The following PAN3 variants were observed in gnomAD, a reference collection of about 807,000 sequenced individuals.
PAN3 encodes poly(A) specific ribonuclease subunit PAN3.
Under a neutral mutation model 96.2 loss-of-function variants are expected in PAN3, and 19 were observed. The observed-to-expected ratio is 0.20, with a 90% CI of 0.14 to 0.29. PAN3 has a LOEUF of 0.29. Among genes scored for constraint, PAN3 ranks in the 10% least tolerant of loss-of-function variants. The pLI is 1.00. For missense variants in PAN3, 882 were observed against 1,108.1 expected, an observed-to-expected ratio of 0.80 and a Z score of 2.90; for synonymous variants, 433 against 406.6, an observed-to-expected ratio of 1.06 and a Z score of -0.78.
chr13:28,263,996 T>TTA (rs1163590032), intron 9 of PAN3, among the ~76,000 whole-genome samples: 1 of 152,192 alleles, frequency 6.6e-6, no homozygotes, highest in Admixed American at 6.5e-5. Flanking sequence ...TTTGTTTGCA[T>TTA]TATAGTTCAC....
At chr13:28,173,925 AG>A (rs1357797579) in intron 1 of PAN3, among the ~76,000 whole-genome samples, 4 of 152,188 alleles carry the variant, frequency 2.6e-5, no homozygotes, top group African/African-American at 7.2e-5. Flanking sequence ...TTTACCATCC[AG>A]TGATTCACAG....
intron 1 of PAN3, among the ~76,000 whole-genome samples, chr13:28,160,040 T>A (rs1225102129): frequency 6.6e-6 from 1 of 151,954 alleles, no homozygotes; most frequent in Non-Finnish European, 1.5e-5. Flanking sequence ...TGGGTTCACG[T>A]GATTCTCCTG....
At chr13:28,262,045 G>A (rs1281980009) in intron 9 of PAN3, among the ~76,000 whole-genome samples, 3 of 152,024 alleles carry the variant, frequency 2.0e-5, no homozygotes, top group Non-Finnish European at 2.9e-5. Context: ...TAATTATTAG[G>A]CCTATTTGTG....
intron 8 of PAN3, among the ~76,000 whole-genome samples, chr13:28,260,903 A>G (rs1885662024): frequency 1.3e-5 from 2 of 152,228 alleles, no homozygotes; most frequent in Non-Finnish European, 2.9e-5. Context: ...AGTTTGGCTC[A>G]GGAAATAACT....
intron 4 of PAN3, among the ~76,000 whole-genome samples, chr13:28,179,950 GTTACTAGAAA>G (rs1566163460): frequency 3.3e-5 from 5 of 151,986 alleles, no homozygotes; most frequent in Non-Finnish European, 7.4e-5. Context: ...ACAATAAAAT[GTTACTAGAAA>G]TGTTACTAGA....
At chr13:28,175,258 C>A (rs1328850746) in intron 2 of PAN3, among the ~76,000 whole-genome samples, 1 of 152,148 alleles carries the variant, frequency 6.6e-6, no homozygotes, top group African/African-American at 2.4e-5. Context: ...CCCTCTCTCT[C>A]TCTGGAGACA....
chr13:28,212,450 A>G (rs893493988), intron 5 of PAN3, among the ~76,000 whole-genome samples: 3 of 152,228 alleles, frequency 2.0e-5, no homozygotes, highest in African/African-American at 7.2e-5. Flanking sequence ...ATTATTTACC[A>G]TGTAATTAAA....
intron 6 of PAN3, among the ~76,000 whole-genome samples, chr13:28,249,675 C>G (rs1333313535): frequency 1.3e-5 from 2 of 152,164 alleles, no homozygotes; most frequent in East Asian, 1.9e-4. Context: ...GTCTCGAACT[C>G]CTGACCTCAA....
intron 17 of PAN3, among the ~76,000 whole-genome samples, chr13:28,283,728 C>CT (rs1327202179): frequency 1.3e-5 from 2 of 152,146 alleles, no homozygotes; most frequent in Non-Finnish European, 2.9e-5. Context: ...GATGGAGTTA[C>CT]CATTGTTATT....
At chr13:28,290,160 A>G (rs965951950) in intron 18 of PAN3, among the ~76,000 whole-genome samples, 7 of 152,206 alleles carry the variant, frequency 4.6e-5, no homozygotes, top group Non-Finnish European at 1.0e-4. Context: ...TAAAACATTT[A>G]CCGTCTGACC....
intron 1 of PAN3, among the ~76,000 whole-genome samples, chr13:28,157,666 C>T (rs1483413752): frequency 2.0e-5 from 3 of 152,102 alleles, no homozygotes; most frequent in African/African-American, 7.2e-5. Context: ...TGAAAGAGCT[C>T]TACAATGATA....
chr13:28,239,294 A>G (rs1883426887), intron 6 of PAN3, among the ~76,000 whole-genome samples: 1 of 151,960 alleles, frequency 6.6e-6, no homozygotes, highest in Non-Finnish European at 1.5e-5. Flanking sequence ...AATACTTTCC[A>G]TTTATGTTCC....
chr13:28,150,637 CAAAAA>C (rs71737721), intron 1 of PAN3, among the ~76,000 whole-genome samples: 1 of 74,052 alleles, frequency 1.4e-5, no homozygotes, highest in Admixed American at 1.6e-4. Context: ...ACTCTGTCTC[CAAAAA>C]AAAAAAAAAA....
intron 5 of PAN3, among the ~76,000 whole-genome samples, chr13:28,201,563 T>A (rs990068143): frequency 4.7e-5 from 7 of 149,430 alleles, no homozygotes; most frequent in African/African-American, 1.7e-4. Flanking sequence ...TAATAATAAT[T>A]TTTTTTTTTA....
At chr13:28,189,464 C>T (rs186478822) in intron 4 of PAN3, among the ~76,000 whole-genome samples, 1,551 of 151,792 alleles carry the variant, frequency 0.01, 17 homozygotes, top group African/African-American at 0.034. Flanking sequence ...TGCAGTGAGC[C>T]GAGATCATGC....
At chr13:28,187,968 A>G (rs541543591) in intron 4 of PAN3, among the ~76,000 whole-genome samples, 75 of 152,204 alleles carry the variant, frequency 4.9e-4, no homozygotes, top group Non-Finnish European at 8.8e-4. Context: ...TGCTGAGATT[A>G]CAGGCATGAG....
chr13:28,253,561 G>T (rs1186255189), intron 6 of PAN3, among the ~76,000 whole-genome samples: 4 of 149,278 alleles, frequency 2.7e-5, no homozygotes, highest in Non-Finnish European at 4.5e-5. Context: ...GCTTACTGTT[G>T]TACATGTTTT....
intron 5 of PAN3, among the ~76,000 whole-genome samples, chr13:28,201,437 T>C (rs961104113): frequency 7.2e-5 from 11 of 152,140 alleles, no homozygotes; most frequent in African/African-American, 2.7e-4. Flanking sequence ...TCCCAGCTAC[T>C]TGGGAGGCTG....
At chr13:28,264,612 C>T (rs942882465) in intron 9 of PAN3, among the ~76,000 whole-genome samples, 1 of 152,084 alleles carries the variant, frequency 6.6e-6, no homozygotes, top group African/African-American at 2.4e-5. Flanking sequence ...AATTAAACAC[C>T]ATTGATTTGT....
Sources: gnomAD v4.1 joint callset for allele counts (sites outside exome capture counted in the v4.1 genomes callset) on GRCh38, gnomAD v4.1.1 for gene constraint, MANE v1.5 for transcripts, NCBI Gene and HGNC (gene_info 2026-07-23, HGNC 2026-07-21) for gene names.